The following SOX5 variants were observed in gnomAD, a reference collection of about 807,000 sequenced individuals.
SOX5 encodes the protein SRY-box transcription factor 5, also known as transcription factor SOX-5.
A neutral mutation model predicts 92.0 loss-of-function variants in SOX5; 9 were observed. The ratio of observed to expected loss-of-function variants is 0.10; its 90% CI spans 0.06 to 0.17. The LOEUF (loss-of-function observed/expected upper bound fraction) is 0.17, where lower values mean the gene tolerates loss of function less well. Among genes scored for constraint, SOX5 ranks in the 10% least tolerant of loss-of-function variants. The pLI, the probability that SOX5 is intolerant of heterozygous loss-of-function variation, is 1.00. For synonymous variants in SOX5, 344 were observed against 336.3 expected, an observed-to-expected ratio of 1.02 and a Z score of -0.25; for missense variants, 642 against 944.5, an observed-to-expected ratio of 0.68 and a Z score of 4.20.
At chr12:24,474,981 G>A (rs1194652528) in intron 1 of SOX5, among the ~76,000 whole-genome samples, 1 of 152,076 alleles carries the variant, frequency 6.6e-6, no homozygotes, top group East Asian at 1.9e-4. Flanking sequence ...CTCCTGAGTA[G>A]CTGGGATTAC....
intron 2 of SOX5, among the ~76,000 whole-genome samples, chr12:24,365,369 T>C (rs1473811547): frequency 6.6e-6 from 1 of 152,076 alleles, no homozygotes; most frequent in Non-Finnish European, 1.5e-5. Flanking sequence ...ATGACTTCCA[T>C]CTTCCATCTC....
intron 11 of SOX5, among the ~76,000 whole-genome samples, chr12:23,550,615 C>G (rs1944016311): frequency 6.6e-6 from 1 of 151,788 alleles, no homozygotes; most frequent in African/African-American, 2.4e-5. Context: ...AGTAACAACT[C>G]TAAATATTCT....
At chr12:24,413,792 T>C (rs999256097) in intron 1 of SOX5, among the ~76,000 whole-genome samples, 3 of 152,184 alleles carry the variant, frequency 2.0e-5, no homozygotes, top group African/African-American at 7.2e-5. Context: ...GAGCATGTTG[T>C]TTTTCATCGT....
chr12:24,357,071 G>T (rs1253488098), intron 2 of SOX5, among the ~76,000 whole-genome samples: 1 of 152,148 alleles, frequency 6.6e-6, no homozygotes, highest in East Asian at 1.9e-4. Context: ...GACTTCTATA[G>T]AGCAAACTTT....
chr12:24,270,169 C>T (rs138884565), intron 3 of SOX5, among the ~76,000 whole-genome samples: 3,287 of 152,134 alleles, frequency 0.022, 61 homozygotes, highest in South Asian at 0.069. Flanking sequence ...TCAAGCAATT[C>T]TCTGCCTTAG....
At chr12:24,437,783 C>G (rs1045100110) in intron 1 of SOX5, among the ~76,000 whole-genome samples, 3 of 152,198 alleles carry the variant, frequency 2.0e-5, no homozygotes, top group Non-Finnish European at 2.9e-5. Flanking sequence ...CAGGAAACAA[C>G]AGATGCTGGA....
At chr12:23,880,778 A>G (rs745450480) in intron 2 of SOX5, among the ~76,000 whole-genome samples, 2 of 152,226 alleles carry the variant, frequency 1.3e-5, no homozygotes, top group African/African-American at 4.8e-5. Flanking sequence ...ATCATCACCA[A>G]GCAAATCTTA....
intron 4 of SOX5, among the ~76,000 whole-genome samples, chr12:24,067,132 G>A (rs1025930468): frequency 6.6e-6 from 1 of 152,296 alleles, no homozygotes; most frequent in African/African-American, 2.4e-5. Flanking sequence ...AGAGAAACTT[G>A]TATTGCTGCC....
intron 10 of SOX5, among the ~76,000 whole-genome samples, chr12:23,568,569 G>GGCA (rs1228915494): frequency 6.6e-6 from 1 of 152,096 alleles, no homozygotes; most frequent in Non-Finnish European, 1.5e-5. Context: ...TACCTGATAT[G>GGCA]CAGCATGTCT....
At chr12:23,925,914 G>A (rs1253974197) in intron 1 of SOX5, among the ~76,000 whole-genome samples, 1 of 151,894 alleles carries the variant, frequency 6.6e-6, no homozygotes, top group Non-Finnish European at 1.5e-5. Flanking sequence ...AATATAATGT[G>A]GCACCAACCA....
At chr12:23,840,977 T>A (rs1309293850) in intron 3 of SOX5, among the ~76,000 whole-genome samples, 1 of 152,030 alleles carries the variant, frequency 6.6e-6, no homozygotes, top group Non-Finnish European at 1.5e-5. Flanking sequence ...TGCAAAACAA[T>A]TAATAATTAG....
At position 23,973,381 on chromosome 12, in the gene SOX5, G is replaced by A. The variant is rs186740853; in HGVS notation, c.-1-77357C>T. ...TCACCATGCCGGTCAGGCTGGTCTC[G>A]AACTCCTGACCTCATGATCCACCCA... is the stretch of plus-strand genomic sequence containing the variant. On this transcript the variant is annotated intron_variant, in intron 4 of 4. Coordinates refer to the SOX5 transcript ENST00000446891. 2.0e-5 allele frequency among the ~76,000 whole-genome samples: 3 copies of A among 151,770 alleles called. 1 individual carries two copies. Among genetic ancestry groups the A allele is most frequent in the Admixed American group, 1.3e-4 (2 of 15,224 alleles).
At position 24,111,440 on chromosome 12, in the gene SOX5, T is replaced by G. The variant is rs371814945; in HGVS notation, c.-2+101903A>C. Among the ~76,000 whole-genome samples the G allele has an allele frequency of 4.9e-4, 75 of 152,372 alleles. No individual in the cohort carries two copies. In the East Asian group the frequency reaches 7.3e-3, roughly 15 times the overall value. On this transcript the variant is annotated intron_variant, in intron 4 of 4. Transcript: ENST00000446891. The stretch of plus-strand genomic sequence containing the variant: ...CAATTACCAAAAAGTCATGCTTTAG[T>G]ATCATTAAAAACTGAAATGAAAGGT...
Position 24,206,560 on chromosome 12 carries a change from AC to A in SOX5, c.-2+6782del, listed in dbSNP as rs1179526636. 4.6e-5 allele frequency among the ~76,000 whole-genome samples: 7 copies of A among 150,862 alleles called. No homozygotes were observed. In the East Asian group the frequency reaches 8.0e-4, roughly 17 times the overall value. The stretch of plus-strand genomic sequence containing the variant: ...TAATTACGCTTACGGAACCAAAGAA[AC>A]CCCCCAAAAAACATCAACCGCCTCC... On this transcript the variant is annotated intron_variant, in intron 4 of 4. Transcript: ENST00000446891.
intron 9 of SOX5, among the ~76,000 whole-genome samples, chr12:23,580,777 T>C (rs1728647180): frequency 6.6e-6 from 1 of 152,034 alleles, no homozygotes; most frequent in Non-Finnish European, 1.5e-5. Flanking sequence ...TCAATACCAG[T>C]TTGTGGTCAC....
chr12:23,712,163 A>G (rs565120673), intron 6 of SOX5, among the ~76,000 whole-genome samples: 22 of 152,342 alleles, frequency 1.4e-4, no homozygotes, highest in African/African-American at 4.6e-4. Flanking sequence ...TCTTAAATCA[A>G]TAAAAACCAG....
At chr12:24,462,064 A>T (rs1943695471) in intron 1 of SOX5, among the ~76,000 whole-genome samples, 1 of 152,208 alleles carries the variant, frequency 6.6e-6, no homozygotes, top group South Asian at 2.1e-4. Context: ...CATCACTAAC[A>T]ACAGGGATGC....
intron 4 of SOX5, among the ~76,000 whole-genome samples, chr12:24,168,773 G>A (rs34794724): frequency 0.032 from 4,927 of 152,244 alleles, 96 homozygotes; most frequent in Middle Eastern, 0.065. Context: ...AAACGCCCAC[G>A]GTGGGAGGAA....
rs889122570 is a variant in SOX5, at chr12:23,533,094, C to T, written c.*1125G>A. The T allele has an allele frequency of 4.5e-6, 2 of 449,186 alleles. No individual in the cohort carries two copies. Among genetic ancestry groups the T allele is most frequent in the African/African-American group, 4.0e-5 (2 of 49,820 alleles). The allele number at this position is 449,186 out of a possible 1,614,324, so 27.8% of individuals were successfully genotyped here. On this transcript the variant is annotated 3_prime_UTR_variant, in exon 15 of 15. Transcript: ENST00000451604. ...CATTTAAAAATATAATTTCTGAGCC[C>T]TATACTTGGTTAAGTTGTCATTTGA...
Sources: gnomAD v4.1 joint callset for allele counts (sites outside exome capture counted in the v4.1 genomes callset) on GRCh38, gnomAD v4.1.1 for gene constraint, MANE v1.5 for transcripts, NCBI Gene and HGNC (gene_info 2026-07-23, HGNC 2026-07-21) for gene names.